Variants in MCM10 observed in about 807,000 individuals in gnomAD.
The protein encoded by MCM10 is minichromosome maintenance 10 replication initiation factor.
Under a neutral mutation model 109.9 loss-of-function variants are expected in MCM10, and 91 were observed. The ratio of observed to expected loss-of-function variants is 0.83; its 90% CI spans 0.70 to 0.99. The LOEUF is 0.99. Ranked by LOEUF, MCM10 falls within the 50% of genes least tolerant of loss-of-function variation. MCM10 has a pLI of 0.00. For missense variants in MCM10, 1,077 were observed against 1,061.2 expected (o/e 1.01, Z -0.21); for synonymous variants, 380 against 387.2 (o/e 0.98, Z 0.22).
Position 13,209,261 on chromosome 10 carries a change from T to A in MCM10, c.2576T>A (p.Leu859Gln). Residue 859 changes from leucine (L) to glutamine (Q), a missense_variant, in exon 20 of 20, where the codon CTG becomes CAG. By Grantham distance (113) the Leu-to-Gln change is moderately radical (BLOSUM62 -2). Coordinates refer to ENST00000378714, the MANE Select transcript of MCM10 (RefSeq NM_018518.5). Reference sequence around the variant, plus strand: ...GGTCCAAAGATAGGAGGAGAAACTCTGTTACCAAGAGGAGAAGAACATGCT... The same window carrying A: ...GGTCCAAAGATAGGAGGAGAAACTCAGTTACCAAGAGGAGAAGAACATGCT... ...KTGPKIGGET[L>Q]LPRGEEHAKF... The A allele has an allele frequency of 6.2e-7, 1 of 1,614,130 alleles. No homozygotes were observed. Among genetic ancestry groups the A allele is most frequent in the Non-Finnish European group, 8.5e-7 (1 of 1,179,962 alleles).
rs1834361601 is a variant in MCM10 at position 13,192,493 on chromosome 10, C to T, written c.1670C>T (p.Ala557Val). ...AAACCAGCCATCAAGTCCATCTCGG[C>T]CTCAGCACTCTTGAAGCAACAGAAG... ...SPKPAIKSIS[A>V]SALLKQQKQR... Residue 557 changes from alanine to valine, a missense_variant, in exon 13 of 20, where the codon GCC becomes GTC. Transcript: ENST00000378714. The T allele has an allele frequency of 2.5e-6, 4 of 1,614,146 alleles. No individual in the cohort carries two copies. Among genetic ancestry groups the T allele is most frequent in the East Asian group, 4.5e-5 (2 of 44,870 alleles).
At chr10:13,183,640 T>G (rs1332550899) in intron 8 of MCM10, among the ~76,000 whole-genome samples, 1 of 152,206 alleles carries the variant, frequency 6.6e-6, no homozygotes, top group East Asian at 1.9e-4. Context: ...AGTTACAAAG[T>G]TCCTGGAGTT....
intron 6 of MCM10, among the ~76,000 whole-genome samples, chr10:13,177,609 C>T (rs1834158924): frequency 6.7e-6 from 1 of 148,358 alleles, no homozygotes; most frequent in South Asian, 2.2e-4. Context: ...TGGTGGCTTA[C>T]ACCTGTAATC....
At position 13,172,051 on chromosome 10, in the gene MCM10, G is replaced by A. The variant is rs992012891; in HGVS notation, c.350-325G>A. Among the ~76,000 whole-genome samples, 2 of 152,080 alleles carry A rather than the reference G, an allele frequency of 1.3e-5. No individual in the cohort carries two copies. The highest frequency in any genetic ancestry group is 4.8e-5 in the African/African-American group (2 of 41,398). Reference sequence around the variant, plus strand: ...AGCCTCCCAAAATGCTGTGATTACAGGCACGAGCCACCATGCCTGGCCTAT... The same window carrying A: ...AGCCTCCCAAAATGCTGTGATTACAAGCACGAGCCACCATGCCTGGCCTAT... On this transcript the variant is annotated intron_variant, in intron 3 of 19. Transcript: ENST00000378714. This position sits in a 1 kb window ranked among gnomAD's most constrained non-coding sequence, Gnocchi z 5.2.
chr10:13,201,166 A>T (rs992777139), intron 16 of MCM10, among the ~76,000 whole-genome samples: 9 of 152,172 alleles, frequency 5.9e-5, no homozygotes, highest in Non-Finnish European at 8.8e-5. Flanking sequence ...AAATAAAAAT[A>T]AAAATCACCA....
rs1564383154 is a variant in MCM10, at chr10:13,175,578, A to C, written c.661A>C (p.Lys221Gln). 2 of 1,614,166 alleles carry C rather than the reference A, an allele frequency of 1.2e-6. No homozygotes were observed. Among genetic ancestry groups the C allele is most frequent in the South Asian group, 1.1e-5 (1 of 91,086 alleles). The change falls in exon 6 of 20, where the codon AAA becomes CAA. Residue 221 changes from lysine to glutamine, a missense_variant. Coordinates refer to ENST00000378714, the MANE Select transcript of MCM10 (RefSeq NM_018518.5). The stretch of plus-strand genomic sequence containing the variant: ...ACCCCTACAGACGATTTCTCGGAAC[A>C]AACCTAGTGGGATAACTAGAGGTCA... ...SQPLQTISRN[K>Q]PSGITRGQIV... is the part of the protein sequence containing the mutation.
At chr10:13,202,773 G>A (rs917140645) in intron 17 of MCM10, among the ~76,000 whole-genome samples, 1 of 152,162 alleles carries the variant, frequency 6.6e-6, no homozygotes, top group Non-Finnish European at 1.5e-5. Flanking sequence ...TTTGTCTCCT[G>A]TTGCCACCGT....
chr10:13,175,777 A>T (rs1245889896), intron 6 of MCM10, 96 bp downstream of exon 6: 1 of 828,350 alleles, frequency 1.2e-6, no homozygotes, highest in African/African-American at 1.7e-5. Context: ...ATCAGGATCC[A>T]CAAAACACCA....
intron 14 of MCM10, among the ~76,000 whole-genome samples, chr10:13,196,950 G>T (rs1160200261): frequency 6.6e-6 from 1 of 151,524 alleles, no homozygotes; most frequent in Non-Finnish European, 1.5e-5. Flanking sequence ...TTTGAGACAG[G>T]GTCTCACTCT....
intron 5 of MCM10, 73 bp from the exon 6 acceptor site, chr10:13,175,436 TA>T: frequency 7.4e-7 from 1 of 1,343,424 alleles, no homozygotes; most frequent in Non-Finnish European, 1.1e-6. Flanking sequence ...AACAAATCCG[TA>T]AAAACAAATT....
intron 17 of MCM10, chr10:13,201,747 C>G (rs1323315955): frequency 2.0e-5 from 11 of 539,422 alleles, no homozygotes; most frequent in East Asian, 1.9e-4. Flanking sequence ...CGAGGGGATT[C>G]TTCTCTCATT....
rs1284942450 is a variant in MCM10 at position 13,182,031 on chromosome 10, C to T, written c.931-902C>T. On this transcript the variant is annotated intron_variant, in intron 7 of 19. Transcript: ENST00000378714. The surrounding 1 kb of genome is among the most constrained non-coding windows in gnomAD (Gnocchi z 4.2). ...AAGTGGAGGTTTTTCACATTATAATCGGTCAGCATTTTGAGCTGTATTTCT... is the reference window on the plus strand; with the variant it reads ...AAGTGGAGGTTTTTCACATTATAATTGGTCAGCATTTTGAGCTGTATTTCT... Among the ~76,000 whole-genome samples, 2 of 152,250 alleles carry T rather than the reference C, an allele frequency of 1.3e-5. No individual in the cohort carries two copies. The highest frequency in any genetic ancestry group is 2.4e-5 in the African/African-American group (1 of 41,546).
intron 6 of MCM10, among the ~76,000 whole-genome samples, chr10:13,179,387 T>C (rs899957677): frequency 3.3e-5 from 5 of 152,206 alleles, no homozygotes; most frequent in African/African-American, 1.2e-4. Context: ...GCAGCTGACA[T>C]ACACCCTTAA....
At chr10:13,206,771 T>C (rs181794748) in intron 18 of MCM10, among the ~76,000 whole-genome samples, 2 of 151,308 alleles carry the variant, frequency 1.3e-5, no homozygotes, top group East Asian at 3.9e-4. Context: ...GTAAGAACCA[T>C]GTTTTTTCTG....
chr10:13,161,891 T>TATTCATTCATTC (rs57090063), intron 1 of MCM10, among the ~76,000 whole-genome samples: 1 of 151,718 alleles, frequency 6.6e-6, no homozygotes, highest in African/African-American at 2.4e-5. Flanking sequence ...GGCTTTCTTT[T>TATTCATTCATTC]ATTCATTCAT....
In MCM10 at chr10:13,209,113, G is replaced by C. The variant is rs1834623937; in HGVS notation, c.2521G>C (p.Glu841Gln). The C allele has an allele frequency of 6.2e-7, 1 of 1,613,246 alleles. No individual in the cohort carries two copies. Among genetic ancestry groups the C allele is most frequent in the Non-Finnish European group, 8.5e-7 (1 of 1,179,196 alleles). The change falls in exon 19 of 20, where the codon GAA (glutamate) becomes CAA (glutamine). Residue 841 changes from glutamate (E) to glutamine (Q), a missense_variant. By Grantham distance (29) the Glu-to-Gln change is conservative (BLOSUM62 2). Coordinates refer to ENST00000378714, the MANE Select transcript of MCM10 (RefSeq NM_018518.5). ...HCSNCGLYKW[E>Q]RDGMLKEKTG... ...CAGTAACTGTGGCCTCTACAAATGG[G>C]AACGGGACGGAATGCTAAAGGTATG...
chr10:13,175,410 G>A (rs1834127748), intron 5 of MCM10, 100 bp from the exon 6 acceptor site: 1 of 920,418 alleles, frequency 1.1e-6, no homozygotes, highest in South Asian at 1.4e-5. Flanking sequence ...GACACAGTGA[G>A]TCCCTATCTC....
At chr10:13,190,726 C>T (rs1030371125) in intron 10 of MCM10, among the ~76,000 whole-genome samples, 2 of 151,874 alleles carry the variant, frequency 1.3e-5, no homozygotes, top group Admixed American at 1.3e-4. Flanking sequence ...GGTATATATA[C>T]TCCTAGGTGT....
chr10:13,205,432 T>C (rs1409744620), intron 18 of MCM10, among the ~76,000 whole-genome samples: 1 of 152,190 alleles, frequency 6.6e-6, no homozygotes, highest in Non-Finnish European at 1.5e-5. Flanking sequence ...AGTCATCTCT[T>C]GATGGGCATT....
Sources: allele counts gnomAD v4.1 joint callset (sites outside exome capture counted in the v4.1 genomes callset), GRCh38; gene constraint gnomAD v4.1.1; non-coding constraint Gnocchi (gnomAD v3.1); transcripts MANE v1.5; gene names NCBI Gene and HGNC (gene_info 2026-07-23, HGNC 2026-07-21).